ABTB2: variants seen among roughly 807,000 people sequenced by gnomAD.
ABTB2 encodes the protein ankyrin repeat and BTB domain containing 2.
In ABTB2, 56 loss-of-function variants were observed where a neutral mutation model predicts 104.1. The observed-to-expected ratio is 0.54, with a 90% CI of 0.43 to 0.67. The LOEUF is 0.67. Ranked by LOEUF, ABTB2 falls within the 30% of genes least tolerant of loss-of-function variation. The pLI is 0.00. For synonymous variants in ABTB2, 606 were observed against 608.2 expected (o/e 1.00, Z 0.05); for missense variants, 1,279 against 1,407.7 (o/e 0.91, Z 1.46).
chr11:34,238,872 G>A (rs1035761159), intron 1 of ABTB2, among the ~76,000 whole-genome samples: 3 of 152,002 alleles, frequency 2.0e-5, no homozygotes, highest in Non-Finnish European at 2.9e-5. Flanking sequence ...TCCTGCTTCC[G>A]CCTCCTGAGT....
At chr11:34,228,599 C>G (rs1257981945) in intron 1 of ABTB2, among the ~76,000 whole-genome samples, 1 of 151,468 alleles carries the variant, frequency 6.6e-6, no homozygotes, top group Non-Finnish European at 1.5e-5. Context: ...AGGCTAGTCT[C>G]GACATCCGAC....
chr11:34,165,690 T>G (rs1214584929), intron 7 of ABTB2, among the ~76,000 whole-genome samples: 1 of 152,228 alleles, frequency 6.6e-6, no homozygotes, highest in Non-Finnish European at 1.5e-5. Context: ...CAGAAAATGT[T>G]GCCCGCAATC....
intron 1 of ABTB2, among the ~76,000 whole-genome samples, chr11:34,333,902 A>G (rs1855160662): frequency 6.6e-6 from 1 of 152,052 alleles, no homozygotes; most frequent in African/African-American, 2.4e-5. Flanking sequence ...CAAGATTCAG[A>G]GGCAGGACAT....
chr11:34,288,591 T>C (rs1854531297), intron 1 of ABTB2, among the ~76,000 whole-genome samples: 1 of 152,084 alleles, frequency 6.6e-6, no homozygotes, highest in Non-Finnish European at 1.5e-5. Flanking sequence ...CATTGCCTCA[T>C]TAGTCTCTTG....
At chr11:34,288,166 G>T (rs1222930086) in intron 1 of ABTB2, among the ~76,000 whole-genome samples, 3 of 152,088 alleles carry the variant, frequency 2.0e-5, no homozygotes, top group African/African-American at 7.2e-5. Flanking sequence ...AAAGTTGAAA[G>T]CATTTCTTTT....
At chr11:34,332,293 T>G (rs1855140749) in intron 1 of ABTB2, among the ~76,000 whole-genome samples, 1 of 152,186 alleles carries the variant, frequency 6.6e-6, no homozygotes, top group Admixed American at 6.5e-5. Context: ...CCCAGCCTCC[T>G]GCATCTTCAC....
intron 1 of ABTB2, among the ~76,000 whole-genome samples, chr11:34,271,780 T>C (rs551844660): frequency 2.1e-5 from 3 of 142,664 alleles, no homozygotes; most frequent in Non-Finnish European, 4.6e-5. Flanking sequence ...CATACATACA[T>C]ACAACTTGCC....
chr11:34,305,209 C>A (rs912603983), intron 1 of ABTB2, among the ~76,000 whole-genome samples: 4 of 152,212 alleles, frequency 2.6e-5, no homozygotes. Context: ...TAAGCTAGGT[C>A]TCCACACTAA....
At chr11:34,229,680 T>C (rs1853744335) in intron 1 of ABTB2, among the ~76,000 whole-genome samples, 1 of 152,136 alleles carries the variant, frequency 6.6e-6, no homozygotes, top group South Asian at 2.1e-4. Flanking sequence ...ATTAAATTAC[T>C]TTAGCACTAT....
chr11:34,300,449 T>TA lies in ABTB2; in HGVS notation c.883+56251dup, dbSNP rs1283402617. On this transcript the variant is annotated intron_variant, in intron 1 of 16. Transcript: ENST00000435224. ...AGCCAGGCTGCAAGTTCCAGTGCTA[T>TA]AAATCACTGGTTATCGGATGGAGTG... Among the ~76,000 whole-genome samples, 15 of 152,366 alleles carry TA rather than the reference T, an allele frequency of 9.8e-5. No homozygotes were observed. In the South Asian group the frequency reaches 2.9e-3, roughly 29 times the overall value.
intron 1 of ABTB2, among the ~76,000 whole-genome samples, chr11:34,348,362 T>C (rs1328749811): frequency 6.6e-6 from 1 of 152,224 alleles, no homozygotes; most frequent in African/African-American, 2.4e-5. Context: ...GGATAAAAGA[T>C]GTGGGAAAGC....
chr11:34,278,626 C>G (rs1259978776), intron 1 of ABTB2, among the ~76,000 whole-genome samples: 9 of 120,382 alleles, frequency 7.5e-5, no homozygotes. Flanking sequence ...GTGTCCTCAC[C>G]AGTCCTTGTT....
intron 1 of ABTB2, among the ~76,000 whole-genome samples, chr11:34,287,379 C>T (rs1047692304): frequency 7.2e-5 from 11 of 152,006 alleles, no homozygotes; most frequent in Admixed American, 4.6e-4. Context: ...GCCAACATGG[C>T]AAAACCCTGT....
Position 34,357,092 on chromosome 11 carries a change from C to T in ABTB2, c.492G>A (p.Leu164=), listed in dbSNP as rs1001228153. ...TRFEVQSAVR[L]VHSWALAESC... ...TCTCGGCCAGCGCCCAGCTGTGCAC[C>T]AGGCGCACGGCGCTCTGCACCTCAA... The change falls in exon 1 of 17, where the codon CTG becomes CTA. Residue 164 remains leucine, a synonymous_variant. Transcript: ENST00000435224. 10 of 1,520,136 alleles carry T rather than the reference C, an allele frequency of 6.6e-6. No individual in the cohort carries two copies. In the African/African-American group the frequency reaches 1.1e-4, roughly 17 times the overall value. The allele number at this position is 1,520,136 out of a possible 1,614,324, so 94.2% of individuals were successfully genotyped here.
intron 3 of ABTB2, among the ~76,000 whole-genome samples, chr11:34,193,871 C>T (rs1228039496): frequency 6.6e-6 from 1 of 152,172 alleles, no homozygotes; most frequent in East Asian, 1.9e-4. Context: ...GCCCGCTCAC[C>T]ACTCTGAGTT....
At chr11:34,256,307 C>A (rs767343970) in intron 1 of ABTB2, among the ~76,000 whole-genome samples, 2 of 152,128 alleles carry the variant, frequency 1.3e-5, no homozygotes, top group African/African-American at 4.8e-5. Context: ...CTTTCTCCCC[C>A]CTCCCTTCTG....
At chr11:34,214,730 C>G (rs1853529333) in intron 1 of ABTB2, among the ~76,000 whole-genome samples, 1 of 151,876 alleles carries the variant, frequency 6.6e-6, no homozygotes, top group African/African-American at 2.4e-5. Flanking sequence ...ATCTTGTTAC[C>G]TATAAAGAGC....
intron 1 of ABTB2, among the ~76,000 whole-genome samples, chr11:34,259,365 G>A (rs56731214): frequency 4.6e-5 from 7 of 152,222 alleles, no homozygotes; most frequent in Non-Finnish European, 1.0e-4. Context: ...GAAGATAAGG[G>A]AGGAAATGTA....
intron 3 of ABTB2, among the ~76,000 whole-genome samples, chr11:34,188,056 C>G (rs1478340427): frequency 6.6e-6 from 1 of 152,214 alleles, no homozygotes; most frequent in African/African-American, 2.4e-5. Flanking sequence ...ACATCCTTAA[C>G]ATGTAGCTAC....
Sources: allele counts gnomAD v4.1 joint callset (sites outside exome capture counted in the v4.1 genomes callset), GRCh38; gene constraint gnomAD v4.1.1; transcripts MANE v1.5; gene names NCBI Gene and HGNC (gene_info 2026-07-23, HGNC 2026-07-21).